The following IGF1R variants were observed in gnomAD, a reference collection of about 807,000 sequenced individuals.
IGF1R encodes insulin-like growth factor 1 receptor.
IGF1R carries 44 observed loss-of-function variants against 144.6 expected under a neutral mutation model. The observed-to-expected ratio is 0.30, with a 90% CI of 0.24 to 0.39. IGF1R has a LOEUF of 0.39. Ranked by LOEUF, IGF1R falls within the 10% of genes least tolerant of loss-of-function variation. The pLI is 1.00. For synonymous variants in IGF1R, 795 were observed against 722.8 expected (o/e 1.10, Z -1.60); for missense variants, 1,355 against 1,833.7 (o/e 0.74, Z 4.77).
chr15:98,775,575 G>C (rs1469985515), intron 2 of IGF1R, among the ~76,000 whole-genome samples: 1 of 152,182 alleles, frequency 6.6e-6, no homozygotes, highest in Non-Finnish European at 1.5e-5. Flanking sequence ...GCCCCCACTT[G>C]TCGGGGAAGC....
chr15:98,946,583 G>T (rs1353696815), intron 19 of IGF1R, among the ~76,000 whole-genome samples: 1 of 152,220 alleles, frequency 6.6e-6, no homozygotes, highest in Non-Finnish European at 1.5e-5. Flanking sequence ...ACAGTTCGCA[G>T]TGGGACTCCG....
chr15:98,898,956 C>T (rs536439841), intron 4 of IGF1R, among the ~76,000 whole-genome samples: 5 of 152,080 alleles, frequency 3.3e-5, no homozygotes, highest in Non-Finnish European at 5.9e-5. Context: ...TTTTAAAAAT[C>T]CCTCATAGAT....
In IGF1R at chr15:98,960,979, C is replaced by T. The variant is rs1445632553; in HGVS notation, c.*3537C>T. 1.3e-5 allele frequency: 3 copies of T among 233,740 alleles called. No homozygotes were observed. The highest frequency in any genetic ancestry group is 2.5e-5 in the Non-Finnish European group (3 of 118,148). The allele number at this position is 233,740 out of a possible 1,614,324, so 14.5% of individuals were successfully genotyped here. On this transcript the variant is annotated 3_prime_UTR_variant, in exon 21 of 21. Transcript: ENST00000650285. ...AGGACAGACGGCTCGCTCCCCTCTT[C>T]CAGCAGCTGCTCTTACAGGCACTGA...
Position 98,888,498 on chromosome 15 carries a change from A to G in IGF1R, c.641-2827A>G, listed in dbSNP as rs895600729. ...AAAATATGCTAGGTTTGTACATTCA[A>G]ATTTGTGTTATCCTCTTCAAGAAAG... On this transcript the variant is annotated intron_variant, in intron 2 of 20. Transcript: ENST00000650285. 3.3e-5 allele frequency among the ~76,000 whole-genome samples: 5 copies of G among 149,480 alleles called. No homozygotes were observed. The Admixed American group carries it at 3.4e-4, about 10-fold the overall frequency.
chr15:98,776,303 GC>G (rs1390928084), intron 2 of IGF1R, among the ~76,000 whole-genome samples: 1 of 151,846 alleles, frequency 6.6e-6, no homozygotes, highest in African/African-American at 2.4e-5. Context: ...TCCTGCCTCG[GC>G]CTTCTGAGTA....
intron 5 of IGF1R, among the ~76,000 whole-genome samples, chr15:98,902,647 C>G (rs1331865148): frequency 6.6e-6 from 1 of 151,956 alleles, no homozygotes; most frequent in Non-Finnish European, 1.5e-5. Context: ...AACTCCTGAC[C>G]TTGTGATCCG....
rs759548165 is a variant in IGF1R, at chr15:98,957,216, T to G, written c.3878T>G (p.Leu1293Arg). ...EENKLPEPEELDLEPENMESV... is the reference protein window; with the variant it reads ...EENKLPEPEERDLEPENMESV... ...AACAAGCTGCCCGAGCCGGAGGAGC[T>G]GGACCTGGAGCCAGAGAACATGGAG... The change falls in exon 21 of 21, where the codon CTG (leucine) becomes CGG (arginine). Residue 1293 changes from leucine to arginine, a missense_variant. Coordinates refer to ENST00000650285, the MANE Select transcript of IGF1R (RefSeq NM_000875.5). 6.2e-7 allele frequency: 1 copy of G among 1,614,252 alleles called. No homozygotes were observed. Among genetic ancestry groups the G allele is most frequent in the Non-Finnish European group, 8.5e-7 (1 of 1,180,050 alleles).
intron 2 of IGF1R, among the ~76,000 whole-genome samples, chr15:98,790,063 C>T (rs1402779069): frequency 2.0e-5 from 3 of 152,142 alleles, no homozygotes; most frequent in Admixed American, 2.0e-4. Flanking sequence ...AAGCTCTGTT[C>T]AAGTGGCTCT....
intron 1 of IGF1R, among the ~76,000 whole-genome samples, chr15:98,688,602 C>A (rs1315925510): frequency 6.6e-6 from 1 of 152,124 alleles, no homozygotes; most frequent in Non-Finnish European, 1.5e-5. Flanking sequence ...CTCCACCTTG[C>A]CATTAGCTGG....
chr15:98,814,950 C>T (rs2056664928), intron 2 of IGF1R, among the ~76,000 whole-genome samples: 2 of 152,124 alleles, frequency 1.3e-5, no homozygotes, highest in Non-Finnish European at 2.9e-5. Context: ...TGTTTTTAAA[C>T]ACAAAAGGAT....
intron 2 of IGF1R, among the ~76,000 whole-genome samples, chr15:98,751,860 G>T (rs141165919): frequency 6.6e-6 from 1 of 152,268 alleles, no homozygotes; most frequent in Non-Finnish European, 1.5e-5. Context: ...ATAATTGTTT[G>T]GATATATGCT....
At chr15:98,828,582 C>A (rs540843743) in intron 2 of IGF1R, among the ~76,000 whole-genome samples, 1 of 152,222 alleles carries the variant, frequency 6.6e-6, no homozygotes, top group South Asian at 2.1e-4. Context: ...CTTTTCAAAA[C>A]CCCTCTCATC....
Position 98,922,201 on chromosome 15 carries a change from G to T in IGF1R, c.2255G>T (p.Ser752Ile). Residue 752 changes from serine to isoleucine, a missense_variant, in exon 11 of 21, where the codon AGC (serine) becomes ATC (isoleucine). By Grantham distance (142) the Ser-to-Ile change is moderately radical (BLOSUM62 -2). Around this residue, in one of 7 missense-constraint regions of IGF1R, gnomAD observed 880 missense variants for 1,202.7 expected, o/e 0.73. Coordinates refer to ENST00000650285, the MANE Select transcript of IGF1R (RefSeq NM_000875.5). ...VMQVANTTMS[S>I]RSRNTTAADT... ...CAAGTGGCCAACACCACCATGTCCA[G>T]CCGAAGCAGGAACACCACGGCCGCA... is the stretch of plus-strand genomic sequence containing the variant. The T allele has an allele frequency of 6.2e-7, 1 of 1,614,210 alleles. No individual in the cohort carries two copies. Among genetic ancestry groups the T allele is most frequent in the Non-Finnish European group, 8.5e-7 (1 of 1,180,038 alleles).
chr15:98,851,296 G>A (rs921200090), intron 2 of IGF1R, among the ~76,000 whole-genome samples: 3 of 152,200 alleles, frequency 2.0e-5, no homozygotes, highest in Admixed American at 6.5e-5. Context: ...TGGCCAAGGG[G>A]TGGCAGAGAG....
chr15:98,849,756 A>G (rs979751323), intron 2 of IGF1R, among the ~76,000 whole-genome samples: 8 of 152,260 alleles, frequency 5.3e-5, no homozygotes, highest in African/African-American at 1.9e-4. Flanking sequence ...GGGATGAAGT[A>G]TTGAACAGAT....
chr15:98,900,745 G>C (rs534437921), intron 5 of IGF1R: 1 of 152,106 alleles, frequency 6.6e-6, no homozygotes, highest in Non-Finnish European at 1.5e-5. Flanking sequence ...CTGGCAAGCT[G>C]AGGCCCTACC....
intron 18 of IGF1R, among the ~76,000 whole-genome samples, chr15:98,942,479 G>A (rs1322377753): frequency 1.3e-5 from 2 of 152,024 alleles, no homozygotes; most frequent in East Asian, 1.9e-4. Context: ...GAACACAGGC[G>A]CACACCACCA....
intron 2 of IGF1R, among the ~76,000 whole-genome samples, chr15:98,813,564 C>G (rs2056637068): frequency 6.6e-6 from 1 of 152,234 alleles, no homozygotes; most frequent in South Asian, 2.1e-4. Flanking sequence ...CCGTGTGGCC[C>G]CTTGGCATGG....
chr15:98,655,717 A>ATTTTTTTTTTTTTTTTTTTT (rs962200072), intron 1 of IGF1R, among the ~76,000 whole-genome samples: 1 of 147,164 alleles, frequency 6.8e-6, no homozygotes. Flanking sequence ...TGGACTACAG[A>ATTTTTTTTTTTTTTTTTTTT]TTTTTTTTTC....
Sources: gnomAD v4.1 joint callset for allele counts (sites outside exome capture counted in the v4.1 genomes callset) on GRCh38, gnomAD v4.1.1 for gene constraint, gnomAD v4.1.1 regional missense constraint, MANE v1.5 for transcripts, NCBI Gene and HGNC (gene_info 2026-07-23, HGNC 2026-07-21) for gene names.